Variants in KIDINS220 observed in about 807,000 individuals in gnomAD.
KIDINS220 encodes the protein kinase D interacting substrate 220, also known as kinase D-interacting substrate of 220 kDa.
Under a neutral mutation model 157.6 loss-of-function variants are expected in KIDINS220, and 63 were observed. The ratio of observed to expected loss-of-function variants is 0.40; its 90% CI spans 0.33 to 0.49. The LOEUF (loss-of-function observed/expected upper bound fraction) is 0.49. Ranked by LOEUF, KIDINS220 falls within the 20% of genes least tolerant of loss-of-function variation. The pLI, the probability that KIDINS220 is intolerant of heterozygous loss-of-function variation, is 0.66. For missense variants in KIDINS220, 1,772 were observed against 2,171.2 expected (o/e 0.82, Z 3.65); for synonymous variants, 732 against 783.6 (o/e 0.93, Z 1.10).
chr2:8,745,353 T>G (rs376373966), intron 26 of KIDINS220, among the ~76,000 whole-genome samples: 11 of 152,342 alleles, frequency 7.2e-5, no homozygotes, highest in South Asian at 4.1e-4. Context: ...AAGAGAATTA[T>G]TGTGGTTTAC....
At chr2:8,723,034 A>ACTCAT (rs746759148), downstream of KIDINS220, 6 of 152,104 alleles carry the variant, frequency 3.9e-5, no homozygotes, top group African/African-American at 9.7e-5. Context: ...GATGTCAACA[A>ACTCAT]CTCATCTGTT....
chr2:8,730,030 G>C lies in KIDINS220; in HGVS notation c.*690C>G, dbSNP rs1351045072. On this transcript the variant is annotated 3_prime_UTR_variant, in exon 30 of 30. Transcript: ENST00000256707. Reference sequence around the variant, plus strand: ...CTGGGATTTGGAGAGAAGAGTTTCCGACATATAAACCCACGGAGGTCACCA... The same window carrying C: ...CTGGGATTTGGAGAGAAGAGTTTCCCACATATAAACCCACGGAGGTCACCA... 5 of 985,418 alleles carry C rather than the reference G, an allele frequency of 5.1e-6. No individual in the cohort carries two copies. Among genetic ancestry groups the C allele is most frequent in the Non-Finnish European group, 4.8e-6 (4 of 829,964 alleles). The allele number at this position is 985,418 out of a possible 1,614,324, so 61.0% of individuals were successfully genotyped here. A position where few individuals can be genotyped will look rare whatever the true frequency, so the allele number is the denominator to read the frequency against.
rs1307638838 is a variant in KIDINS220, at chr2:8,837,605, C to T, written c.-162G>A. On this transcript the variant is annotated 5_prime_UTR_variant, in exon 1 of 30. Transcript: ENST00000256707. ...ACCCGGCGGCCATATTCTTCCCTCT[C>T]CGCGAACTGACAGATCACGTGCCCT... 2 of 152,208 alleles carry T rather than the reference C, an allele frequency of 1.3e-5. No homozygotes were observed. The highest frequency in any genetic ancestry group is 2.9e-5 in the Non-Finnish European group (2 of 68,046). The allele number at this position is 152,208 out of a possible 1,614,324, so 9.4% of individuals were successfully genotyped here.
intron 2 of KIDINS220, among the ~76,000 whole-genome samples, chr2:8,826,230 A>G (rs1344986831): frequency 6.6e-6 from 1 of 152,234 alleles, no homozygotes; most frequent in Non-Finnish European, 1.5e-5. Context: ...TAACCTATTT[A>G]ACTCTCTAAT....
chr2:8,767,292 T>C (rs754549878), intron 22 of KIDINS220, among the ~76,000 whole-genome samples: 1 of 152,126 alleles, frequency 6.6e-6, no homozygotes, highest in Non-Finnish European at 1.5e-5. Context: ...AAATTTTGAA[T>C]GATGACAACA....
At chr2:8,793,323 G>A (rs556187577) in intron 12 of KIDINS220, among the ~76,000 whole-genome samples, 95 of 152,102 alleles carry the variant, frequency 6.2e-4, no homozygotes, top group African/African-American at 2.1e-3. Context: ...GCAAGACCTC[G>A]TCTCTACAAA....
intron 26 of KIDINS220, among the ~76,000 whole-genome samples, chr2:8,745,977 A>C (rs1375138281): frequency 6.6e-6 from 1 of 152,140 alleles, no homozygotes; most frequent in Non-Finnish European, 1.5e-5. Flanking sequence ...ACCAAAGTTA[A>C]AATACAAACT....
intron 20 of KIDINS220, 69 bp from the exon 21 acceptor site, chr2:8,776,961 T>A: frequency 6.7e-7 from 1 of 1,484,886 alleles, no homozygotes; most frequent in Non-Finnish European, 9.1e-7. Context: ...CTTTTTGAGA[T>A]GTTAATAAAT....
At position 8,729,847 on chromosome 2, in the gene KIDINS220, T is replaced by G; in HGVS notation, c.*873A>C. The G allele has an allele frequency of 3.0e-6, 3 of 983,750 alleles. No individual in the cohort carries two copies. Among genetic ancestry groups the G allele is most frequent in the Non-Finnish European group, 3.6e-6 (3 of 828,396 alleles). The allele number at this position is 983,750 out of a possible 1,614,324, so 60.9% of individuals were successfully genotyped here. On this transcript the variant is annotated 3_prime_UTR_variant, in exon 30 of 30. Coordinates refer to ENST00000256707, the MANE Select transcript of KIDINS220 (RefSeq NM_020738.4). Reference sequence around the variant, plus strand: ...TCTATAAATATTTATTAGTACCTATTATTACCCATGTCTCCCTGATTTTCC... The same window carrying G: ...TCTATAAATATTTATTAGTACCTATGATTACCCATGTCTCCCTGATTTTCC...
intron 24 of KIDINS220, 80 bp downstream of exon 24, chr2:8,750,032 C>A (rs1041368259): frequency 1.3e-5 from 16 of 1,265,602 alleles, no homozygotes; most frequent in Non-Finnish European, 1.7e-5. Flanking sequence ...GCTTTAAAAC[C>A]AAAACAGAAT....
At chr2:8,747,415 G>T in intron 25 of KIDINS220, 3 of 575,564 alleles carry the variant, frequency 5.2e-6, no homozygotes, top group Non-Finnish European at 6.2e-6. Flanking sequence ...GGGCACAAAT[G>T]TCTTTCTTAG....
downstream of KIDINS220, among the ~76,000 whole-genome samples, chr2:8,726,109 G>T (rs1320727932): frequency 5.9e-5 from 9 of 152,154 alleles, no homozygotes; most frequent in Non-Finnish European, 1.3e-4. Context: ...GGTTTTTATT[G>T]ATTTTTAAAG....
At chr2:8,760,129 G>A (rs1168104370) in intron 22 of KIDINS220, among the ~76,000 whole-genome samples, 1 of 152,128 alleles carries the variant, frequency 6.6e-6, no homozygotes, top group Admixed American at 6.6e-5. Flanking sequence ...AGAAAAGAAT[G>A]CTGTTACATA....
intron 17 of KIDINS220, among the ~76,000 whole-genome samples, chr2:8,780,299 C>T (rs1013502471): frequency 6.6e-6 from 1 of 152,124 alleles, no homozygotes; most frequent in Non-Finnish European, 1.5e-5. Flanking sequence ...TATTATTAGA[C>T]AGTAGTTGCT....
intron 21 of KIDINS220, among the ~76,000 whole-genome samples, chr2:8,776,377 T>A (rs1016171639): frequency 6.6e-6 from 1 of 152,166 alleles, no homozygotes; most frequent in Admixed American, 6.5e-5. Context: ...CAATATTTTT[T>A]ATTCAAAATA....
chr2:8,744,076 A>G (rs915754569), intron 26 of KIDINS220, among the ~76,000 whole-genome samples: 11 of 146,874 alleles, frequency 7.5e-5, no homozygotes, highest in African/African-American at 2.7e-4. Context: ...TATATTTTAT[A>G]TTAACATCTT....
chr2:8,750,919 A>G (rs915667018), intron 23 of KIDINS220, among the ~76,000 whole-genome samples: 1 of 152,242 alleles, frequency 6.6e-6, no homozygotes, highest in Non-Finnish European at 1.5e-5. Context: ...GACTGTTTCA[A>G]TGAAGGTTTT....
chr2:8,766,281 G>C (rs1014063770), intron 22 of KIDINS220, among the ~76,000 whole-genome samples: 2 of 152,086 alleles, frequency 1.3e-5, no homozygotes, highest in Admixed American at 1.3e-4. Context: ...CTCTGGCCCG[G>C]AACTGTTCCC....
rs60592986 is a variant in KIDINS220, at chr2:8,747,274, T to G, written c.3529-73A>C. ...GCCAAACTGTGAAGACAAATGAACA[T>G]GATGGTAAAATAATATACAACACTG... On this transcript the variant is annotated intron_variant, in intron 25 of 29. Coordinates refer to ENST00000256707, the MANE Select transcript of KIDINS220 (RefSeq NM_020738.4). 7 of 1,287,786 alleles carry G rather than the reference T, an allele frequency of 5.4e-6. No homozygotes were observed. The African/African-American group carries it at 1.0e-4, about 19-fold the overall frequency. 79.8% of individuals were successfully genotyped at this position (1,287,786 alleles called of 1,614,324 possible).
Sources: allele counts gnomAD v4.1 joint callset (sites outside exome capture counted in the v4.1 genomes callset), GRCh38; gene constraint gnomAD v4.1.1; transcripts MANE v1.5; gene names NCBI Gene and HGNC (gene_info 2026-07-23, HGNC 2026-07-21).